PKIG: variants seen among roughly 807,000 people sequenced by gnomAD.
PKIG encodes the protein cAMP-dependent protein kinase inhibitor gamma.
Under a neutral mutation model 6.8 loss-of-function variants are expected in PKIG, and 1 was observed. The observed-to-expected ratio is 0.15, with a 90% CI of 0.05 to 0.69. The LOEUF is 0.69. PKIG is among the 30% of genes least tolerant of loss of function. PKIG has a pLI of 0.82. For missense variants in PKIG, 77 were observed against 104.0 expected, an observed-to-expected ratio of 0.74 and a Z score of 1.13; for synonymous variants, 39 against 43.0, an observed-to-expected ratio of 0.91 and a Z score of 0.36.
At chr20:44,602,075 G>C (rs2065125776) in intron 2 of PKIG, among the ~76,000 whole-genome samples, 1 of 152,174 alleles carries the variant, frequency 6.6e-6, no homozygotes, top group Admixed American at 6.5e-5. Context: ...CTTTGTCCTG[G>C]GCATTCAAGG....
intron 3 of PKIG, among the ~76,000 whole-genome samples, chr20:44,617,294 A>G (rs557456999): frequency 4.1e-4 from 63 of 152,238 alleles, no homozygotes; most frequent in Middle Eastern, 6.8e-3. Flanking sequence ...ACCTAGTAAC[A>G]TTGCACAGTG....
At chr20:44,575,227 A>G (rs1050703455) in intron 1 of PKIG, among the ~76,000 whole-genome samples, 3 of 151,798 alleles carry the variant, frequency 2.0e-5, no homozygotes, top group African/African-American at 4.8e-5. Flanking sequence ...TAATTTTTGT[A>G]TTTTTATTTT....
intron 2 of PKIG, among the ~76,000 whole-genome samples, chr20:44,612,062 A>G (rs1013522041): frequency 6.6e-6 from 1 of 152,164 alleles, no homozygotes; most frequent in Non-Finnish European, 1.5e-5. Context: ...TATTATAAAT[A>G]GTGCTGCAGT....
chr20:44,564,943 T>C (rs1449533543), intron 1 of PKIG, among the ~76,000 whole-genome samples: 2 of 152,246 alleles, frequency 1.3e-5, no homozygotes, highest in Non-Finnish European at 2.9e-5. Context: ...GATAAGTCCT[T>C]TGAACAACCA....
chr20:44,606,670 G>A lies in PKIG; in HGVS notation c.-23-7864G>A, dbSNP rs187133598. Among the ~76,000 whole-genome samples the A allele has an allele frequency of 1.3e-3, 202 of 152,322 alleles. 1 individual carries two copies. Among genetic ancestry groups the A allele is most frequent in the African/African-American group, 4.4e-3 (185 of 41,578 alleles). On this transcript the variant is annotated intron_variant, in intron 2 of 3. Coordinates refer to ENST00000372886, the MANE Select transcript of PKIG (RefSeq NM_001281445.2). ...CCAAAAATATAAAAATTAGCTGGGC[G>A]TGGTGGTGCACACCTGTAAGCCCAG... is the stretch of plus-strand genomic sequence containing the variant.
chr20:44,603,405 A>G (rs1016469405), intron 2 of PKIG, among the ~76,000 whole-genome samples: 2 of 152,136 alleles, frequency 1.3e-5, no homozygotes, highest in Non-Finnish European at 2.9e-5. Context: ...TGTGACTGTT[A>G]GCCCCGCTTT....
In PKIG at chr20:44,611,490, C is replaced by A. The variant is rs557461789; in HGVS notation, c.-23-3044C>A. The stretch of plus-strand genomic sequence containing the variant: ...CTCTCCCCTCCCCAGTCTCTGGTAA[C>A]CACTGTTGTATTCTCTCCTTCTATA... On this transcript the variant is annotated intron_variant, in intron 2 of 3. Coordinates refer to ENST00000372886, the MANE Select transcript of PKIG (RefSeq NM_001281445.2). Among the ~76,000 whole-genome samples the A allele has an allele frequency of 2.6e-5, 4 of 151,996 alleles. No homozygotes were observed. In the South Asian group the frequency reaches 6.3e-4, roughly 24 times the overall value.
At chr20:44,599,617 G>A (rs1464742728) in intron 2 of PKIG, among the ~76,000 whole-genome samples, 1 of 152,134 alleles carries the variant, frequency 6.6e-6, no homozygotes, top group Non-Finnish European at 1.5e-5. Flanking sequence ...AGCTACTTGG[G>A]AGGCTGAGGC....
chr20:44,587,637 C>T (rs753438616), intron 1 of PKIG, among the ~76,000 whole-genome samples: 1 of 151,686 alleles, frequency 6.6e-6, no homozygotes, highest in Non-Finnish European at 1.5e-5. Flanking sequence ...AGAATATGTT[C>T]AAGGGAAGAA....
intron 2 of PKIG, among the ~76,000 whole-genome samples, chr20:44,610,500 T>TCTCACACACACACACACA (rs1555841182): frequency 1.7e-3 from 234 of 135,408 alleles, no homozygotes; most frequent in African/African-American, 5.8e-3. Flanking sequence ...TCTCTCTCTC[T>TCTCACACACACACACACA]CACACACACA....
In PKIG at chr20:44,544,117, C is replaced by T. The variant is rs565434352; in HGVS notation, c.-241+12139C>T. ...TTAGAGTGAGAATTTTTCTCAGAAG[C>T]CTCCAGAGAACTACCCTAGAATCTC... is the stretch of plus-strand genomic sequence containing the variant. On this transcript the variant is annotated intron_variant, in intron 1 of 4. Transcript: ENST00000372887. 2.0e-5 allele frequency among the ~76,000 whole-genome samples: 3 copies of T among 151,794 alleles called. No homozygotes were observed. The South Asian group carries it at 6.2e-4, about 32-fold the overall frequency.
intron 2 of PKIG, among the ~76,000 whole-genome samples, chr20:44,605,786 C>T (rs1192700692): frequency 1.3e-5 from 2 of 152,008 alleles, no homozygotes; most frequent in Non-Finnish European, 2.9e-5. Flanking sequence ...TTAGCATGCA[C>T]CTGTAGTCCC....
intron 2 of PKIG, among the ~76,000 whole-genome samples, chr20:44,612,717 G>A (rs943937938): frequency 2.0e-5 from 3 of 152,134 alleles, no homozygotes; most frequent in African/African-American, 7.2e-5. Flanking sequence ...GAATACCACT[G>A]TGCTATTTGG....
intron 1 of PKIG, among the ~76,000 whole-genome samples, chr20:44,561,639 C>T (rs1434430462): frequency 6.6e-6 from 1 of 152,108 alleles, no homozygotes; most frequent in African/African-American, 2.4e-5. Context: ...TTTTTTCTTG[C>T]TGCAGTGTCC....
At chr20:44,611,052 C>CTTT (rs537375490) in intron 2 of PKIG, among the ~76,000 whole-genome samples, 5 of 132,886 alleles carry the variant, frequency 3.8e-5, no homozygotes, top group African/African-American at 1.1e-4. Flanking sequence ...TATAGAATGC[C>CTTT]TTTTTTTTTT....
At chr20:44,539,348 G>A (rs1394797931) in intron 1 of PKIG, among the ~76,000 whole-genome samples, 6 of 151,998 alleles carry the variant, frequency 3.9e-5, no homozygotes, top group South Asian at 2.1e-4. Context: ...TGTCCAATCC[G>A]CAGCCTGTGG....
In PKIG at chr20:44,618,140, C is replaced by T. The variant is rs553641160; in HGVS notation, c.152-145C>T. 182 of 676,624 alleles carry T rather than the reference C, an allele frequency of 2.7e-4. No individual in the cohort carries two copies. The African/African-American group carries it at 3.2e-3, about 12-fold the overall frequency. The allele number at this position is 676,624 out of a possible 1,614,324, so 41.9% of individuals were successfully genotyped here. A position where few individuals can be genotyped will look rare whatever the true frequency, so the allele number is the denominator to read the frequency against. On this transcript the variant is annotated intron_variant, in intron 3 of 3. Coordinates refer to ENST00000372886, the MANE Select transcript of PKIG (RefSeq NM_001281445.2). The stretch of plus-strand genomic sequence containing the variant: ...ACAGACCAGGCTAAAGTCCATAGGC[C>T]ACCACCACCTCAGTCCAGCTCCAGC...
intron 1 of PKIG, among the ~76,000 whole-genome samples, chr20:44,559,114 T>C (rs1370308660): frequency 1.3e-5 from 2 of 152,210 alleles, no homozygotes. Context: ...AAATAAACTT[T>C]TAAAAAATAA....
At chr20:44,537,207 C>T (rs1275327528) in intron 1 of PKIG, among the ~76,000 whole-genome samples, 8 of 152,152 alleles carry the variant, frequency 5.3e-5, no homozygotes, top group Non-Finnish European at 7.3e-5. Context: ...TGGGTTCAAG[C>T]GATTCTCATG....
Sources: allele counts gnomAD v4.1 joint callset (sites outside exome capture counted in the v4.1 genomes callset), GRCh38; gene constraint gnomAD v4.1.1; transcripts MANE v1.5; gene names NCBI Gene and HGNC (gene_info 2026-07-23, HGNC 2026-07-21).